DPYD: variants seen among roughly 807,000 people sequenced by gnomAD.
The protein encoded by DPYD is dihydropyrimidine dehydrogenase.
Under a neutral mutation model 116.2 loss-of-function variants are expected in DPYD, and 109 were observed. The ratio of observed to expected loss-of-function variants is 0.94; its 90% confidence interval spans 0.80 to 1.10. The LOEUF is 1.10. Among genes scored for constraint, DPYD ranks in the 50% least tolerant of loss-of-function variants. The pLI, the probability that DPYD is intolerant of heterozygous loss-of-function variation, is 0.00. For synonymous variants in DPYD, 440 were observed against 432.0 expected, an observed-to-expected ratio of 1.02 and a Z score of -0.23; for missense variants, 1,302 against 1,254.5, an observed-to-expected ratio of 1.04 and a Z score of -0.57.
At chr1:97,381,960 C>A (rs904897975) in intron 15 of DPYD, among the ~76,000 whole-genome samples, 1 of 152,108 alleles carries the variant, frequency 6.6e-6, no homozygotes, top group African/African-American at 2.4e-5. Context: ...ATTAAATGAA[C>A]CTTTTATACT....
At chr1:97,549,436 G>A (rs1045836795) in intron 12 of DPYD, 124 bp downstream of exon 12, 28 of 1,043,004 alleles carry the variant, frequency 2.7e-5, no homozygotes, top group South Asian at 4.2e-5. Context: ...AAGTATGTAC[G>A]TGACATATTG....
chr1:97,115,709 T>C (rs1051175582), intron 20 of DPYD, among the ~76,000 whole-genome samples: 7 of 152,332 alleles, frequency 4.6e-5, no homozygotes, highest in South Asian at 2.1e-4. Context: ...ATCATTATTA[T>C]GGTCACAATT....
chr1:97,326,529 A>C (rs367894206), intron 16 of DPYD, among the ~76,000 whole-genome samples: 2 of 152,054 alleles, frequency 1.3e-5, no homozygotes, highest in African/African-American at 4.8e-5. Flanking sequence ...TAAGGTGCAG[A>C]ATCCTTATAA....
chr1:97,249,640 C>A (rs946612956), intron 18 of DPYD, among the ~76,000 whole-genome samples: 2 of 151,576 alleles, frequency 1.3e-5, no homozygotes, highest in African/African-American at 2.4e-5. Context: ...CAAAATACAT[C>A]ATTAAGAAAA....
chr1:97,675,147 ATTTTTATAAAATAAAAAGG>A (rs1213705756), intron 8 of DPYD, among the ~76,000 whole-genome samples: 1 of 152,200 alleles, frequency 6.6e-6, no homozygotes, highest in African/African-American at 2.4e-5. Context: ...TTTTCTGGTT[ATTTTTATAAAATAAAAAGG>A]AAGAAACAAT....
intron 1 of DPYD, among the ~76,000 whole-genome samples, chr1:97,920,107 C>T (rs900871917): frequency 6.6e-6 from 1 of 152,100 alleles, no homozygotes; most frequent in Admixed American, 6.5e-5. Flanking sequence ...AAGTGCTGAC[C>T]TAGGTTTAGT....
intron 13 of DPYD, among the ~76,000 whole-genome samples, chr1:97,462,710 A>G (rs1677094234): frequency 6.6e-6 from 1 of 152,202 alleles, no homozygotes; most frequent in African/African-American, 2.4e-5. Flanking sequence ...ATTTTACCCT[A>G]AACTATATTT....
intron 18 of DPYD, among the ~76,000 whole-genome samples, chr1:97,266,778 TGTTTG>T (rs1202159129): frequency 1.3e-5 from 2 of 151,418 alleles, no homozygotes; most frequent in Non-Finnish European, 2.9e-5. Context: ...GAACATGGGG[TGTTTG>T]GTTTTTTGGC....
chr1:97,324,129 G>A (rs542553312), intron 16 of DPYD, among the ~76,000 whole-genome samples: 3 of 152,058 alleles, frequency 2.0e-5, no homozygotes, highest in Non-Finnish European at 2.9e-5. Context: ...ACAACTCTTG[G>A]TGTTCATTCT....
At chr1:97,289,838 G>A (rs978691694) in intron 18 of DPYD, among the ~76,000 whole-genome samples, 18 of 150,380 alleles carry the variant, frequency 1.2e-4, no homozygotes, top group Non-Finnish European at 1.6e-4. Context: ...TTCTGGCCAG[G>A]GCAATTAGGC....
At chr1:97,419,962 C>A (rs562578401) in intron 14 of DPYD, 83 of 152,268 alleles carry the variant, frequency 5.5e-4, no homozygotes, top group African/African-American at 1.9e-3. Flanking sequence ...ATAGAAAGGA[C>A]AGTCAATTGT....
chr1:97,098,686 T>C (rs1211390929), intron 20 of DPYD, 54 bp from the exon 21 acceptor site: 4 of 1,587,330 alleles, frequency 2.5e-6, no homozygotes, highest in Non-Finnish European at 3.4e-6. Context: ...AAGAGAAAAA[T>C]GGGAAGATAT....
chr1:97,658,787 C>T (rs1023309606), intron 8 of DPYD, among the ~76,000 whole-genome samples: 2 of 152,070 alleles, frequency 1.3e-5, no homozygotes, highest in Admixed American at 1.3e-4. Context: ...CTTTTCTAAC[C>T]TACTAACAAG....
At chr1:97,518,834 A>G (rs1269603618) in intron 12 of DPYD, among the ~76,000 whole-genome samples, 1 of 152,134 alleles carries the variant, frequency 6.6e-6, no homozygotes, top group Non-Finnish European at 1.5e-5. Context: ...AAAATAATTT[A>G]TTGACATGAA....
intron 20 of DPYD, among the ~76,000 whole-genome samples, chr1:97,102,395 T>TCATATATATATA (rs1650761412): frequency 7.1e-5 from 1 of 14,142 alleles, no homozygotes; most frequent in Non-Finnish European, 1.6e-4. Context: ...TCACTCAGTA[T>TCATATATATATA]CATATATATA....
chr1:97,388,725 G>T (rs536724723), intron 14 of DPYD, among the ~76,000 whole-genome samples: 54 of 152,184 alleles, frequency 3.5e-4, no homozygotes, highest in Admixed American at 1.5e-3. Flanking sequence ...CTCTCTAAAG[G>T]TTTTCTTGGG....
intron 2 of DPYD, among the ~76,000 whole-genome samples, chr1:97,847,407 TA>T (rs1192998352): frequency 3.3e-5 from 5 of 152,116 alleles, no homozygotes; most frequent in Admixed American, 6.6e-5. Flanking sequence ...TGAAGCTTAA[TA>T]AAAATATTTA....
rs74933053 is a variant in DPYD, at chr1:97,180,819, T to C, written c.2622+12250A>G. ...AGTAACTGCATTTGTGTTTGGCAAT[T>C]TGATGTAGTAAGGAGAAATGGGGAA... On this transcript the variant is annotated intron_variant, in intron 20 of 22. Coordinates refer to ENST00000370192, the MANE Select transcript of DPYD (RefSeq NM_000110.4). Among the ~76,000 whole-genome samples the C allele has an allele frequency of 8.6e-3, 1,309 of 152,254 alleles. 20 individuals carry two copies. The highest frequency in any genetic ancestry group is 0.029 in the African/African-American group (1,219 of 41,546).
intron 16 of DPYD, among the ~76,000 whole-genome samples, chr1:97,334,878 G>A (rs552570768): frequency 4.6e-4 from 70 of 152,180 alleles, no homozygotes; most frequent in African/African-American, 1.5e-3. Context: ...AATTTGTGCC[G>A]CCACCTAAGA....
Sources: allele counts gnomAD v4.1 joint callset (sites outside exome capture counted in the v4.1 genomes callset), GRCh38; gene constraint gnomAD v4.1.1; transcripts MANE v1.5; gene names NCBI Gene and HGNC (gene_info 2026-07-23, HGNC 2026-07-21).